AGMO: variants seen among roughly 807,000 people sequenced by gnomAD.
AGMO encodes the protein alkylglycerol monooxygenase, also known as glyceryl-ether monooxygenase.
In AGMO, 75 loss-of-function variants were observed where a neutral mutation model predicts 60.2. The ratio of observed to expected loss-of-function variants is 1.25; its 90% CI spans 1.03 to 1.51. The LOEUF is 1.51. Among genes scored for constraint, AGMO ranks in the 40% most tolerant of loss-of-function variants. The pLI, the probability that AGMO is intolerant of heterozygous loss-of-function variation, is 0.00. For missense variants in AGMO, 763 were observed against 525.5 expected (o/e 1.45, Z -4.42); for synonymous variants, 261 against 177.1 (o/e 1.47, Z -3.76).
chr7:15,230,637 G>A (rs1170937278), intron 12 of AGMO, among the ~76,000 whole-genome samples: 1 of 152,148 alleles, frequency 6.6e-6, no homozygotes, highest in Admixed American at 6.5e-5. Flanking sequence ...CTCTTTATCT[G>A]AGGCCTTGTG....
At chr7:15,363,842 C>T (rs1782858119) in intron 12 of AGMO, among the ~76,000 whole-genome samples, 1 of 152,052 alleles carries the variant, frequency 6.6e-6, no homozygotes, top group Admixed American at 6.6e-5. Flanking sequence ...TAAGAGTACT[C>T]TCATTAAATG....
chr7:15,250,882 T>A (rs1197127512), intron 12 of AGMO, among the ~76,000 whole-genome samples: 1 of 151,858 alleles, frequency 6.6e-6, no homozygotes, highest in Non-Finnish European at 1.5e-5. Flanking sequence ...GAGGCAGACG[T>A]TGCAGTGAGC....
chr7:15,531,349 ATATATATTCTATATATATATTC>A lies in AGMO; in HGVS notation c.409+13401_409+13422del, dbSNP rs1562557066. On this transcript the variant is annotated intron_variant, in intron 3 of 12. Transcript: ENST00000342526. Reference sequence around the variant, plus strand: ...TCTATATATATTCTATATATATTCTATATATATTCTATATATATATTCTATATATATTCTATATATATTCTAT... The same window carrying A: ...TCTATATATATTCTATATATATTCTATATATATATTCTATATATATTCTAT... 6.0e-4 allele frequency among the ~76,000 whole-genome samples: 46 copies of A among 77,020 alleles called. 1 individual carries two copies. Among genetic ancestry groups the A allele is most frequent in the Non-Finnish European group, 4.1e-4 (17 of 41,664 alleles). 50.5% of individuals were successfully genotyped at this position (77,020 alleles called of 152,430 possible). A position where few individuals can be genotyped will look rare whatever the true frequency, so the allele number is the denominator to read the frequency against.
At chr7:15,181,682 A>G in the AGMO span, among the ~76,000 whole-genome samples, 1 of 152,158 alleles carries the variant, frequency 6.6e-6, no homozygotes, top group Non-Finnish European at 1.5e-5. Flanking sequence ...TATTCACTAT[A>G]ACGGAAAAAT....
chr7:15,476,482 T>A (rs889943955), intron 3 of AGMO, among the ~76,000 whole-genome samples: 3 of 152,144 alleles, frequency 2.0e-5, no homozygotes, highest in African/African-American at 7.2e-5. Context: ...GTGGTTGTTT[T>A]ATTTTCATCT....
intron 3 of AGMO, among the ~76,000 whole-genome samples, chr7:15,506,841 A>G (rs1452658923): frequency 6.6e-6 from 1 of 151,868 alleles, no homozygotes; most frequent in Non-Finnish European, 1.5e-5. Context: ...GTCCCTAAAA[A>G]CAACAAAAAA....
intron 12 of AGMO, among the ~76,000 whole-genome samples, chr7:15,330,862 G>A (rs879803760): frequency 4.0e-5 from 6 of 151,778 alleles, no homozygotes; most frequent in Admixed American, 2.0e-4. Flanking sequence ...TGACAAACTG[G>A]TCTTAATGAT....
the AGMO span, among the ~76,000 whole-genome samples, chr7:15,191,841 T>C: frequency 3.3e-5 from 5 of 152,090 alleles, no homozygotes; most frequent in African/African-American, 1.2e-4. Context: ...CAAGCAGTGT[T>C]AAATAATGTA....
chr7:15,259,981 T>C (rs1461073884), intron 12 of AGMO, among the ~76,000 whole-genome samples: 1 of 136,284 alleles, frequency 7.3e-6, no homozygotes, highest in South Asian at 2.5e-4. Flanking sequence ...AGAACCTCCT[T>C]ACAGTATAAA....
At chr7:15,354,409 C>G (rs1167441344) in intron 12 of AGMO, among the ~76,000 whole-genome samples, 2,943 of 28,868 alleles carry the variant, frequency 0.1, 380 homozygotes, top group African/African-American at 0.18. Flanking sequence ...TGTGTGTACA[C>G]ACGTGTGTGT....
rs1193811408 is a variant in AGMO, at chr7:15,342,799, A to AC, written c.1263+22714_1263+22715insG. On this transcript the variant is annotated intron_variant, in intron 12 of 12. Transcript: ENST00000342526. ...AGCTGCAAAAAAAAAAAAAAAAAAA[A>AC]AAAAAATTGATCTGAATTCTACCTC... is the stretch of plus-strand genomic sequence containing the variant. Among the ~76,000 whole-genome samples the AC allele has an allele frequency of 4.4e-4, 66 of 150,072 alleles. 3 individuals carry two copies. The highest frequency in any genetic ancestry group is 8.9e-4 in the Non-Finnish European group (60 of 67,608).
rs372018146 is a variant in AGMO at position 15,241,117 on chromosome 7, G to A, written c.1264-39758C>T. 2.6e-4 allele frequency among the ~76,000 whole-genome samples: 40 copies of A among 152,012 alleles called. No individual in the cohort carries two copies. In the South Asian group the frequency reaches 7.0e-3, roughly 27 times the overall value. On this transcript the variant is annotated intron_variant, in intron 12 of 12. Transcript: ENST00000342526. ...TATCAGGAAAAGTGAATATCCCAGA[G>A]ATAGAATGCGCTCACTCTGGTAGGT...
the AGMO span, among the ~76,000 whole-genome samples, chr7:15,124,621 A>C: frequency 6.6e-6 from 1 of 152,090 alleles, no homozygotes; most frequent in African/African-American, 2.4e-5. Flanking sequence ...AGGAAGCTAG[A>C]GATGGTGTTG....
chr7:15,394,147 A>T lies in AGMO; in HGVS notation c.642T>A (p.Ile214=). 6.2e-7 allele frequency: 1 copy of T among 1,612,424 alleles called. No homozygotes were observed. The change falls in exon 6 of 13, where the codon ATT becomes ATA. Residue 214 remains isoleucine, a synonymous_variant. Coordinates refer to ENST00000342526, the MANE Select transcript of AGMO (RefSeq NM_001004320.2). ...CCCTATGATGGCTAGGAGTATTAAG[A>T]ATCAGTTCCAAAGGACCAAGGTTAT... ...VINNLGPLEL[I]LNTPSHHRVH...
chr7:15,348,103 G>A (rs1003037797), intron 12 of AGMO, among the ~76,000 whole-genome samples: 1 of 151,864 alleles, frequency 6.6e-6, no homozygotes, highest in Admixed American at 6.6e-5. Flanking sequence ...TATATTAATG[G>A]TAATATTGTA....
the AGMO span, among the ~76,000 whole-genome samples, chr7:15,135,462 T>C: frequency 1.3e-5 from 2 of 152,156 alleles, no homozygotes; most frequent in African/African-American, 4.8e-5. Context: ...ATTTTGACTT[T>C]ATGAGTTTGT....
chr7:15,418,412 A>C (rs1780835003), intron 5 of AGMO, 146 bp downstream of exon 5: 1 of 590,006 alleles, frequency 1.7e-6, no homozygotes, highest in African/African-American at 2.0e-5. Context: ...TATTCACTAA[A>C]AACGAATAAA....
chr7:15,366,007 G>C (rs540284539), intron 11 of AGMO, 133 bp downstream of exon 11: 17 of 620,748 alleles, frequency 2.7e-5, no homozygotes, highest in African/African-American at 5.7e-5. Flanking sequence ...AAAATAATGA[G>C]AAGTCAAATA....
At chr7:15,228,717 G>C (rs1782162269) in intron 12 of AGMO, among the ~76,000 whole-genome samples, 2 of 152,114 alleles carry the variant, frequency 1.3e-5, no homozygotes, top group South Asian at 4.1e-4. Context: ...TTTTGCCATA[G>C]TAGTTATCTG....
Sources: gnomAD v4.1 joint callset for allele counts (sites outside exome capture counted in the v4.1 genomes callset) on GRCh38, gnomAD v4.1.1 for gene constraint, MANE v1.5 for transcripts, NCBI Gene and HGNC (gene_info 2026-07-23, HGNC 2026-07-21) for gene names.